Variants in SCP2 observed in about 807,000 individuals in gnomAD.
SCP2 encodes the protein sterol carrier protein 2, also known as SCP-2/3-oxoacyl-CoA thiolase.
In SCP2, 48 loss-of-function variants were observed where a neutral mutation model predicts 71.4. The observed-to-expected ratio is 0.67, with a 90% CI of 0.53 to 0.86. The LOEUF (loss-of-function observed/expected upper bound fraction) is 0.86. Among genes scored for constraint, SCP2 ranks in the 40% least tolerant of loss-of-function variants. SCP2 has a pLI of 0.00. For missense variants in SCP2, 560 were observed against 655.6 expected, an observed-to-expected ratio of 0.85 and a Z score of 1.59; for synonymous variants, 220 against 218.1, an observed-to-expected ratio of 1.01 and a Z score of -0.08.
In SCP2 at chr1:53,038,228, T is replaced by TA. The variant is rs562779697; in HGVS notation, c.1339-688dup. On this transcript the variant is annotated intron_variant, in intron 13 of 15. Coordinates refer to ENST00000371514, the MANE Select transcript of SCP2 (RefSeq NM_002979.5). The stretch of plus-strand genomic sequence containing the variant: ...TATATACCATTTATACGCTTATATA[T>TA]ATATGTCATTTATATATGTGTGTGT... Among the ~76,000 whole-genome samples, 31 of 135,346 alleles carry TA rather than the reference T, an allele frequency of 2.3e-4. No individual in the cohort carries two copies. The East Asian group carries it at 5.8e-3, about 25-fold the overall frequency. 88.8% of individuals were successfully genotyped at this position (135,346 alleles called of 152,430 possible).
At chr1:53,030,777 G>A (rs549887089) in intron 13 of SCP2, among the ~76,000 whole-genome samples, 2 of 152,118 alleles carry the variant, frequency 1.3e-5, no homozygotes, top group African/African-American at 4.8e-5. Context: ...CCAGATAGCT[G>A]TAGTCCCAGC....
At chr1:53,021,044 C>A (rs1378560676) in intron 12 of SCP2, among the ~76,000 whole-genome samples, 2 of 151,988 alleles carry the variant, frequency 1.3e-5, no homozygotes, top group East Asian at 3.9e-4. Context: ...CTCACTCTGT[C>A]ATCCAGGCTG....
intron 11 of SCP2, among the ~76,000 whole-genome samples, chr1:53,001,656 T>C (rs1302762111): frequency 6.6e-6 from 1 of 152,176 alleles, no homozygotes. Context: ...ATTCCTAGCG[T>C]CCAGGGTCTT....
At chr1:52,999,815 G>GTTTTTTT (rs60893788) in intron 11 of SCP2, among the ~76,000 whole-genome samples, 9 of 109,386 alleles carry the variant, frequency 8.2e-5, no homozygotes, top group South Asian at 3.0e-4. Context: ...CTGAACACTT[G>GTTTTTTT]TTTTTTTTTT....
intron 5 of SCP2, among the ~76,000 whole-genome samples, chr1:52,956,042 G>T (rs139744221): frequency 2.6e-5 from 4 of 152,184 alleles, no homozygotes; most frequent in African/African-American, 9.6e-5. Flanking sequence ...ATTCACTCAT[G>T]CCTGTAATCC....
intron 14 of SCP2, among the ~76,000 whole-genome samples, chr1:53,044,366 G>A (rs7543151): frequency 0.097 from 14,705 of 152,174 alleles, 1,407 homozygotes; most frequent in African/African-American, 0.21. Context: ...CTTCTATTCC[G>A]TCTCTTTTAT....
intron 11 of SCP2, among the ~76,000 whole-genome samples, chr1:52,998,928 A>G (rs1660124233): frequency 6.6e-6 from 1 of 152,202 alleles, no homozygotes; most frequent in African/African-American, 2.4e-5. Flanking sequence ...AATTTACTCA[A>G]TTTTTAAATA....
At chr1:52,981,853 T>TA (rs1658531241) in intron 10 of SCP2, among the ~76,000 whole-genome samples, 1 of 151,750 alleles carries the variant, frequency 6.6e-6, no homozygotes, top group African/African-American at 2.4e-5. Flanking sequence ...ATATTTCTGT[T>TA]AGACAATATT....
rs60491467 is a variant in SCP2 at position 52,957,197 on chromosome 1, TGCCCCTG to T, written c.396+2421_396+2427del. On this transcript the variant is annotated intron_variant, in intron 5 of 15. Transcript: ENST00000371514. The stretch of plus-strand genomic sequence containing the variant: ...TGCTGGGATTACAGGCGTGAGCCAC[TGCCCCTG>T]GCCCCTGGCCCCTGGCCCCTGGCCC... Among the ~76,000 whole-genome samples the T allele has an allele frequency of 5.9e-3, 901 of 151,804 alleles. 4 individuals are homozygous for T. Among genetic ancestry groups the T allele is most frequent in the African/African-American group, 0.02 (821 of 41,452 alleles).
chr1:52,943,972 A>C, intron 2 of SCP2: 1 of 271,802 alleles, frequency 3.7e-6, no homozygotes, highest in South Asian at 5.0e-5. Flanking sequence ...CTTTGGGTGG[A>C]ACTCTGCCAG....
rs143423952 is a variant in SCP2 at position 53,029,132 on chromosome 1, A to G, written c.1338+1061A>G. Among the ~76,000 whole-genome samples the G allele has an allele frequency of 6.2e-3, 941 of 152,272 alleles. 15 individuals are homozygous for G. Among genetic ancestry groups the G allele is most frequent in the African/African-American group, 0.022 (904 of 41,566 alleles). Reference sequence around the variant, plus strand: ...TGCGGATCTATTTTTATATACAATAATTAGTTCTTGATAGGTAATAATCAT... The same window carrying G: ...TGCGGATCTATTTTTATATACAATAGTTAGTTCTTGATAGGTAATAATCAT... On this transcript the variant is annotated intron_variant, in intron 13 of 15. Coordinates refer to ENST00000371514, the MANE Select transcript of SCP2 (RefSeq NM_002979.5).
chr1:52,979,294 C>G (rs1658258355), intron 9 of SCP2, among the ~76,000 whole-genome samples: 1 of 152,016 alleles, frequency 6.6e-6, no homozygotes, highest in Admixed American at 6.6e-5. Context: ...ACTTCAGCCT[C>G]TCGAGAAAGT....
intron 12 of SCP2, among the ~76,000 whole-genome samples, chr1:53,022,543 A>G (rs1661823784): frequency 6.6e-6 from 1 of 152,130 alleles, no homozygotes; most frequent in Non-Finnish European, 1.5e-5. Context: ...GGGTCTTTGT[A>G]TTTTAATTAT....
chr1:52,979,899 C>T (rs1355376667), intron 9 of SCP2, among the ~76,000 whole-genome samples: 2 of 151,234 alleles, frequency 1.3e-5, no homozygotes, highest in East Asian at 3.9e-4. Flanking sequence ...TCCCTCCCTC[C>T]CTCCCTTCCT....
intron 13 of SCP2, among the ~76,000 whole-genome samples, chr1:53,030,346 A>T (rs182102866): frequency 6.6e-6 from 1 of 152,168 alleles, no homozygotes; most frequent in East Asian, 1.9e-4. Flanking sequence ...TTAAGCTATG[A>T]TCAATTTAAT....
Position 52,958,383 on chromosome 1 carries a change from G to A in SCP2, c.397-3120G>A, listed in dbSNP as rs984627745. Among the ~76,000 whole-genome samples the A allele has an allele frequency of 6.6e-5, 10 of 151,728 alleles. No individual in the cohort carries two copies. In the East Asian group the frequency reaches 1.4e-3, roughly 21 times the overall value. ...GTAACTGGGATTACAGGCTCCCACC[G>A]CCATGCCGGGCTAATTTGTGTATTT... is the stretch of plus-strand genomic sequence containing the variant. On this transcript the variant is annotated intron_variant, in intron 5 of 15. Transcript: ENST00000371514.
At chr1:53,039,907 G>C (rs559533865) in intron 14 of SCP2, among the ~76,000 whole-genome samples, 3 of 152,188 alleles carry the variant, frequency 2.0e-5, no homozygotes, top group Non-Finnish European at 2.9e-5. Context: ...CAAAGCTAAC[G>C]TGTGAAACTG....
chr1:53,037,879 T>TACACACACACACACAC (rs34293671), intron 13 of SCP2, among the ~76,000 whole-genome samples: 64 of 84,618 alleles, frequency 7.6e-4, no homozygotes, highest in Non-Finnish European at 1.1e-3. Flanking sequence ...TGTCTCTACA[T>TACACACACACACACAC]ACACACACAC....
intron 6 of SCP2, among the ~76,000 whole-genome samples, chr1:52,970,666 G>A (rs1315265589): frequency 6.6e-6 from 1 of 151,962 alleles, no homozygotes; most frequent in African/African-American, 2.4e-5. Flanking sequence ...CACACTTGGG[G>A]AGGAGGTCTT....
Sources: allele counts gnomAD v4.1 joint callset (sites outside exome capture counted in the v4.1 genomes callset), GRCh38; gene constraint gnomAD v4.1.1; transcripts MANE v1.5; gene names NCBI Gene and HGNC (gene_info 2026-07-23, HGNC 2026-07-21).